Variants in SCN2A observed in about 807,000 individuals in gnomAD.
The protein encoded by SCN2A is sodium voltage-gated channel alpha subunit 2, also known as sodium channel protein type 2 subunit alpha.
SCN2A carries 20 observed loss-of-function variants against 188.7 expected under a neutral mutation model. The observed-to-expected ratio is 0.11, with a 90% CI of 0.07 to 0.15. The LOEUF (loss-of-function observed/expected upper bound fraction) is 0.15, where lower values mean the gene tolerates loss of function less well. SCN2A is among the 10% of genes least tolerant of loss of function. The probability of loss-of-function intolerance (pLI) is 1.00; values close to 1 mark genes in which losing one functional copy is unlikely to be tolerated. For missense variants in SCN2A, 1,278 were observed against 2,445.0 expected (o/e 0.52, Z 10.07); for synonymous variants, 804 against 833.1 (o/e 0.97, Z 0.60).
At position 165,288,732 on chromosome 2, in the gene SCN2A, A is replaced by G. The variant is rs3219730; in HGVS notation, c.-51-7041A>G. Among the ~76,000 whole-genome samples the G allele has an allele frequency of 2.4e-3, 253 of 107,608 alleles. 1 individual carries two copies. The highest frequency in any genetic ancestry group is 0.013 in the Middle Eastern group (2 of 154). The allele number at this position is 107,608 out of a possible 152,430, so 70.6% of individuals were successfully genotyped here. The stretch of plus-strand genomic sequence containing the variant: ...GTTAAAAAGAGAAGGATACATATAC[A>G]TGTGTGTGTGTGTGTGTGTGTGTAC... On this transcript the variant is annotated intron_variant, in intron 1 of 26. Transcript: ENST00000375437.
At chr2:165,355,954 A>G (rs1206932756) in intron 17 of SCN2A, among the ~76,000 whole-genome samples, 2 of 148,878 alleles carry the variant, frequency 1.3e-5, no homozygotes, top group East Asian at 4.0e-4. Flanking sequence ...AGCCGAGATC[A>G]CCCCATTGCA....
intron 17 of SCN2A, among the ~76,000 whole-genome samples, chr2:165,363,683 A>G (rs1238227444): frequency 1.3e-5 from 2 of 152,148 alleles, no homozygotes; most frequent in Non-Finnish European, 2.9e-5. Flanking sequence ...TTCAAATTTT[A>G]ATGACAAAGA....
chr2:165,317,857 TA>T (rs1299761951), intron 11 of SCN2A, among the ~76,000 whole-genome samples: 3 of 150,542 alleles, frequency 2.0e-5, no homozygotes, highest in African/African-American at 7.4e-5. Context: ...GATAAAGAAA[TA>T]GTCAAACAAA....
chr2:165,294,583 A>G (rs1282961228), intron 1 of SCN2A, among the ~76,000 whole-genome samples: 1 of 146,632 alleles, frequency 6.8e-6, no homozygotes, highest in Non-Finnish European at 1.5e-5. Flanking sequence ...TGCATTTCAT[A>G]TATTTAAATG....
chr2:165,291,438 CTTT>C, intron 1 of SCN2A, among the ~76,000 whole-genome samples: 1 of 21,926 alleles, frequency 4.6e-5, no homozygotes, highest in African/African-American at 1.4e-4. Flanking sequence ...CTTTCTTTCT[CTTT>C]CTTTCTTTCT....
Position 165,377,602 on chromosome 2 carries a change from G to C in SCN2A, c.4260G>C (p.Thr1420=). ...TGATATGACTTTTCTTACAGGCCAC[G>C]TTTAAGGGATGGATGGATATTATGT... is the stretch of plus-strand genomic sequence containing the variant. ...LGYLSLLQVA[T]FKGWMDIMYA... The change falls in exon 23 of 27, where the codon ACG becomes ACC. Residue 1420 remains threonine (T), a synonymous_variant. Coordinates refer to ENST00000375437, the MANE Select transcript of SCN2A (RefSeq NM_001040142.2). 1 of 1,605,818 alleles carries C rather than the reference G, an allele frequency of 6.2e-7. No homozygotes were observed. Among genetic ancestry groups the C allele is most frequent in the Non-Finnish European group, 8.5e-7 (1 of 1,175,178 alleles).
intron 1 of SCN2A, among the ~76,000 whole-genome samples, chr2:165,256,336 T>A (rs763018846): frequency 1.3e-5 from 2 of 152,104 alleles, no homozygotes; most frequent in African/African-American, 2.4e-5. Context: ...TATTCCATAA[T>A]CCTGTTTGAT....
intron 1 of SCN2A, among the ~76,000 whole-genome samples, chr2:165,247,856 C>G (rs1357318330): frequency 6.6e-6 from 1 of 152,150 alleles, no homozygotes; most frequent in Non-Finnish European, 1.5e-5. Flanking sequence ...GTTAACATCC[C>G]TAAACTAAAT....
chr2:165,318,627 T>A (rs895364944), intron 11 of SCN2A, among the ~76,000 whole-genome samples: 6 of 152,236 alleles, frequency 3.9e-5, no homozygotes, highest in African/African-American at 7.2e-5. Context: ...TCATCCATGA[T>A]CCTTGAGAAA....
intron 16 of SCN2A, among the ~76,000 whole-genome samples, chr2:165,346,775 G>T (rs987547728): frequency 6.6e-5 from 10 of 152,220 alleles, no homozygotes; most frequent in African/African-American, 2.4e-4. Context: ...TCAAAAAGTG[G>T]GTGAAGGATA....
chr2:165,379,617 T>A (rs1466552431), intron 23 of SCN2A, among the ~76,000 whole-genome samples: 1 of 151,782 alleles, frequency 6.6e-6, no homozygotes, highest in African/African-American at 2.4e-5. Context: ...TTTAAAAATT[T>A]TAAAAATATA....
At chr2:165,241,381 C>A (rs1559310380) in intron 1 of SCN2A, among the ~76,000 whole-genome samples, 1 of 152,054 alleles carries the variant, frequency 6.6e-6, no homozygotes, top group African/African-American at 2.4e-5. Context: ...TGTGGATGGC[C>A]ACATGGCTTT....
chr2:165,318,599 GT>G (rs1411080438), intron 11 of SCN2A, among the ~76,000 whole-genome samples: 4 of 152,140 alleles, frequency 2.6e-5, no homozygotes, highest in Non-Finnish European at 5.9e-5. Context: ...TGTAAACTAC[GT>G]TTTTGTATAG....
chr2:165,304,303 C>T (rs897476848), intron 3 of SCN2A, among the ~76,000 whole-genome samples: 4 of 152,134 alleles, frequency 2.6e-5, no homozygotes, highest in Non-Finnish European at 4.4e-5. Context: ...CCATTTTACC[C>T]GGGCTGGTCT....
chr2:165,292,995 G>A (rs1029774944), intron 1 of SCN2A, among the ~76,000 whole-genome samples: 3 of 152,092 alleles, frequency 2.0e-5, no homozygotes, highest in Non-Finnish European at 4.4e-5. Flanking sequence ...CTTTTTTCTG[G>A]TTGCTTTTTA....
rs986274831 is a variant in SCN2A at position 165,374,570 on chromosome 2, T to G, written c.3973-115T>G. On this transcript the variant is annotated intron_variant, in intron 21 of 26. Coordinates refer to ENST00000375437, the MANE Select transcript of SCN2A (RefSeq NM_001040142.2). ...ACCAGAGTCTAGTTTCTACCCAATA[T>G]TCAACTTTGAAACAGATTTTTTTAA... 1.5e-5 allele frequency: 17 copies of G among 1,144,734 alleles called. No homozygotes were observed. The African/African-American group carries it at 2.5e-4, about 17-fold the overall frequency. 70.9% of individuals were successfully genotyped at this position (1,144,734 alleles called of 1,614,324 possible). A position where few individuals can be genotyped will look rare whatever the true frequency, so the allele number is the denominator to read the frequency against.
chr2:165,331,202 C>A, intron 13 of SCN2A, 128 bp from the exon 14 acceptor site: 1 of 765,628 alleles, frequency 1.3e-6, no homozygotes, highest in Non-Finnish European at 2.2e-6. Context: ...TTTCCCTGTT[C>A]CTCCAGCAGA....
chr2:165,266,723 A>G (rs1694881965), intron 1 of SCN2A: 1 of 152,122 alleles, frequency 6.6e-6, no homozygotes, highest in Admixed American at 6.6e-5. Context: ...TTCAGATGCT[A>G]CACATCCTCC....
At chr2:165,336,325 A>T (rs1208191219) in intron 14 of SCN2A, among the ~76,000 whole-genome samples, 1 of 151,984 alleles carries the variant, frequency 6.6e-6, no homozygotes, top group African/African-American at 2.4e-5. Context: ...TAATACTAAA[A>T]ATTAAAAACA....
Sources: allele counts gnomAD v4.1 joint callset (sites outside exome capture counted in the v4.1 genomes callset), GRCh38; gene constraint gnomAD v4.1.1; transcripts MANE v1.5; gene names NCBI Gene and HGNC (gene_info 2026-07-23, HGNC 2026-07-21).